The following ZNF385D variants were observed in gnomAD, a reference collection of about 807,000 sequenced individuals.
ZNF385D encodes the protein zinc finger protein 659.
ZNF385D carries 15 observed loss-of-function variants against 35.8 expected under a neutral mutation model. The ratio of observed to expected loss-of-function variants is 0.42; its 90% CI spans 0.28 to 0.64. ZNF385D has a LOEUF of 0.64. Among genes scored for constraint, ZNF385D ranks in the 30% least tolerant of loss-of-function variants. ZNF385D has a pLI of 0.23. For synonymous variants in ZNF385D, 212 were observed against 186.8 expected, an observed-to-expected ratio of 1.13 and a Z score of -1.10; for missense variants, 474 against 494.6, an observed-to-expected ratio of 0.96 and a Z score of 0.39.
At chr3:21,526,211 T>C (rs1708211708) in intron 3 of ZNF385D, among the ~76,000 whole-genome samples, 1 of 152,056 alleles carries the variant, frequency 6.6e-6, no homozygotes, top group African/African-American at 2.4e-5. Flanking sequence ...TTCCAAAATT[T>C]AGTTTTTGAT....
At chr3:21,731,469 A>C (rs2068991514) in intron 1 of ZNF385D, among the ~76,000 whole-genome samples, 1 of 152,126 alleles carries the variant, frequency 6.6e-6, no homozygotes, top group South Asian at 2.1e-4. Context: ...ACAGTGGTAC[A>C]TTTGTTTCAA....
intron 3 of ZNF385D, among the ~76,000 whole-genome samples, chr3:21,937,471 A>G (rs967637224): frequency 6.6e-6 from 1 of 152,190 alleles, no homozygotes; most frequent in African/African-American, 2.4e-5. Flanking sequence ...TTCTAGCTAC[A>G]CTAATAAGTC....
intron 2 of ZNF385D, among the ~76,000 whole-genome samples, chr3:22,194,152 T>C (rs983289970): frequency 7.4e-5 from 11 of 148,894 alleles, no homozygotes; most frequent in Non-Finnish European, 1.5e-4. Context: ...TAATCTCTTA[T>C]GTTTAGTACA....
At chr3:22,015,899 C>T (rs369935429) in intron 3 of ZNF385D, among the ~76,000 whole-genome samples, 4 of 152,036 alleles carry the variant, frequency 2.6e-5, no homozygotes, top group Admixed American at 6.6e-5. Context: ...GTTGTGCCCA[C>T]GTTCCTGAAA....
chr3:22,258,465 T>A (rs1254678378), intron 2 of ZNF385D, among the ~76,000 whole-genome samples: 1 of 151,768 alleles, frequency 6.6e-6, no homozygotes, highest in East Asian at 1.9e-4. Context: ...CTGTATAATA[T>A]CATGAAAATT....
At chr3:22,126,262 C>T (rs1156733983) in intron 3 of ZNF385D, among the ~76,000 whole-genome samples, 1 of 150,336 alleles carries the variant, frequency 6.7e-6, no homozygotes, top group Non-Finnish European at 1.5e-5. Flanking sequence ...CAATAAATCC[C>T]ACATTGTGGG....
intron 3 of ZNF385D, among the ~76,000 whole-genome samples, chr3:22,094,704 C>G (rs1183127570): frequency 1.3e-5 from 2 of 151,834 alleles, no homozygotes; most frequent in African/African-American, 4.8e-5. Context: ...ATGAGAATAC[C>G]AGACATGCTC....
intron 2 of ZNF385D, among the ~76,000 whole-genome samples, chr3:22,341,098 T>C (rs1479059290): frequency 1.3e-5 from 2 of 152,230 alleles, no homozygotes; most frequent in Non-Finnish European, 2.9e-5. Context: ...TGGTTTCTTA[T>C]TCTGGTTCTG....
intron 2 of ZNF385D, among the ~76,000 whole-genome samples, chr3:22,354,461 A>C (rs1696059573): frequency 6.6e-6 from 1 of 152,110 alleles, no homozygotes; most frequent in African/African-American, 2.4e-5. Context: ...ATACCTTATA[A>C]AAATTTAATT....
chr3:21,928,423 G>C (rs980599800), intron 3 of ZNF385D, among the ~76,000 whole-genome samples: 2 of 151,940 alleles, frequency 1.3e-5, no homozygotes, highest in African/African-American at 4.8e-5. Flanking sequence ...GGGATGCAGG[G>C]AGGGAGAGAG....
chr3:22,091,172 A>C (rs1048742446), intron 3 of ZNF385D, among the ~76,000 whole-genome samples: 1 of 152,192 alleles, frequency 6.6e-6, no homozygotes, highest in Non-Finnish European at 1.5e-5. Flanking sequence ...GGCTCTAACA[A>C]CTAACTTAAC....
At chr3:22,206,623 A>G (rs567998279) in intron 2 of ZNF385D, among the ~76,000 whole-genome samples, 30 of 151,968 alleles carry the variant, frequency 2.0e-4, no homozygotes, top group Admixed American at 8.6e-4. Flanking sequence ...TAGCAAGCGG[A>G]AGTTTGAGAA....
intron 3 of ZNF385D, among the ~76,000 whole-genome samples, chr3:21,990,895 C>G (rs920942000): frequency 6.6e-6 from 1 of 152,140 alleles, no homozygotes; most frequent in African/African-American, 2.4e-5. Flanking sequence ...GGCAATAACT[C>G]ACATTTAACA....
chr3:21,773,757 A>G (rs2071174867), intron 3 of ZNF385D, among the ~76,000 whole-genome samples: 1 of 118,914 alleles, frequency 8.4e-6, no homozygotes, highest in Non-Finnish European at 2.0e-5. Flanking sequence ...TATTATTAAA[A>G]AGTCAAAAAA....
At chr3:21,695,143 T>G (rs1346223111) in intron 1 of ZNF385D, among the ~76,000 whole-genome samples, 2 of 152,194 alleles carry the variant, frequency 1.3e-5, no homozygotes, top group Non-Finnish European at 2.9e-5. Flanking sequence ...TCATTGTAAG[T>G]GTTACCATCT....
chr3:21,999,295 C>G (rs1402403215), intron 3 of ZNF385D, among the ~76,000 whole-genome samples: 1 of 152,056 alleles, frequency 6.6e-6, no homozygotes, highest in Non-Finnish European at 1.5e-5. Context: ...ACTGTTGCAC[C>G]TATCTGAAAG....
chr3:22,040,696 CA>C (rs1698610312), intron 3 of ZNF385D, among the ~76,000 whole-genome samples: 1 of 152,116 alleles, frequency 6.6e-6, no homozygotes, highest in African/African-American at 2.4e-5. Context: ...TTTTGGTCTA[CA>C]GTTTAGGGAA....
chr3:22,233,125 C>T (rs2125301123), intron 2 of ZNF385D, among the ~76,000 whole-genome samples: 1 of 151,934 alleles, frequency 6.6e-6, no homozygotes, highest in African/African-American at 2.4e-5. Context: ...GTCCTCTTAC[C>T]TGCTTAAAAA....
intron 2 of ZNF385D, among the ~76,000 whole-genome samples, chr3:22,359,010 A>C (rs923828304): frequency 2.6e-5 from 4 of 151,404 alleles, no homozygotes; most frequent in Admixed American, 6.6e-5. Flanking sequence ...TTCTGACATT[A>C]GGCAAAAAAG....
Sources: gnomAD v4.1 joint callset for allele counts (sites outside exome capture counted in the v4.1 genomes callset) on GRCh38, gnomAD v4.1.1 for gene constraint, MANE v1.5 for transcripts, NCBI Gene and HGNC (gene_info 2026-07-23, HGNC 2026-07-21) for gene names.